Variants in STYXL1 observed in about 807,000 individuals in gnomAD.
The protein encoded by STYXL1 is serine/threonine/tyrosine interacting like 1, also known as serine/threonine/tyrosine-interacting-like protein 1.
In STYXL1, 32 loss-of-function variants were observed where a neutral mutation model predicts 36.4. The observed-to-expected ratio is 0.88, with a 90% CI of 0.66 to 1.18. The LOEUF (loss-of-function observed/expected upper bound fraction) is 1.18. STYXL1 is among the 50% of genes most tolerant of loss of function. The probability of loss-of-function intolerance (pLI) is 0.00; values close to 1 mark genes in which losing one functional copy is unlikely to be tolerated. For synonymous variants in STYXL1, 133 were observed against 144.1 expected (o/e 0.92, Z 0.55); for missense variants, 354 against 394.1 (o/e 0.90, Z 0.86).
intron 4 of STYXL1, among the ~76,000 whole-genome samples, chr7:76,015,634 T>G (rs894712498): frequency 1.8e-4 from 28 of 152,162 alleles, no homozygotes; most frequent in Admixed American, 2.0e-4. Flanking sequence ...AAAGATCCAA[T>G]ATCCAAAATC....
At chr7:76,031,640 G>C (rs961094395) in intron 1 of STYXL1, among the ~76,000 whole-genome samples, 1 of 151,234 alleles carries the variant, frequency 6.6e-6, no homozygotes, top group Non-Finnish European at 1.5e-5. Context: ...ACTTGAACCC[G>C]GGAGGCGGAG....
chr7:76,016,971 CAT>C (rs1419673140), intron 4 of STYXL1, among the ~76,000 whole-genome samples: 2 of 152,144 alleles, frequency 1.3e-5, no homozygotes, highest in Non-Finnish European at 2.9e-5. Flanking sequence ...ACAGCAAAGA[CAT>C]AGAATCAACT....
At chr7:76,034,429 C>A (rs1054507337) in intron 1 of STYXL1, among the ~76,000 whole-genome samples, 24 of 152,208 alleles carry the variant, frequency 1.6e-4, no homozygotes, top group African/African-American at 5.8e-4. Flanking sequence ...AACGCCTCAG[C>A]CTCTTAGGAG....
intron 7 of STYXL1, among the ~76,000 whole-genome samples, chr7:76,002,513 C>A (rs1791077466): frequency 6.6e-6 from 1 of 152,196 alleles, no homozygotes; most frequent in South Asian, 2.1e-4. Context: ...CCCAGGGAGG[C>A]AGGCTAGATG....
intron 4 of STYXL1, among the ~76,000 whole-genome samples, chr7:76,021,491 C>T (rs1252468030): frequency 1.3e-5 from 2 of 152,168 alleles, no homozygotes; most frequent in African/African-American, 4.8e-5. Context: ...AAACCACTGA[C>T]ATCAGCTGGT....
chr7:76,047,177 C>T (rs543312008), intron 1 of STYXL1, among the ~76,000 whole-genome samples: 2 of 152,156 alleles, frequency 1.3e-5, no homozygotes, highest in African/African-American at 4.8e-5. Flanking sequence ...AGGAGAACCA[C>T]TTGAACCTGA....
At chr7:76,003,007 T>G (rs564386407) in intron 7 of STYXL1, among the ~76,000 whole-genome samples, 1 of 152,256 alleles carries the variant, frequency 6.6e-6, no homozygotes, top group South Asian at 2.1e-4. Context: ...CCAGGAGCTG[T>G]TGGTGCCAGA....
intron 5 of STYXL1, among the ~76,000 whole-genome samples, chr7:76,008,899 G>A (rs577146100): frequency 3.3e-5 from 5 of 152,168 alleles, no homozygotes; most frequent in African/African-American, 1.2e-4. Context: ...CTACTCTGGA[G>A]GCTGAGGCAG....
intron 5 of STYXL1, 138 bp downstream of exon 5, chr7:76,013,604 T>C (rs1792878284): frequency 2.3e-5 from 29 of 1,288,266 alleles, no homozygotes; most frequent in Non-Finnish European, 2.9e-5. Flanking sequence ...TTTGTGTTTT[T>C]AGTATAGACA....
At chr7:76,024,787 A>G (rs1794479011) in intron 3 of STYXL1, among the ~76,000 whole-genome samples, 1 of 151,676 alleles carries the variant, frequency 6.6e-6, no homozygotes, top group Admixed American at 6.6e-5. Context: ...CATCTCTACT[A>G]AAAATGCAAA....
At chr7:76,011,506 T>C (rs1322514070) in intron 5 of STYXL1, among the ~76,000 whole-genome samples, 1 of 152,204 alleles carries the variant, frequency 6.6e-6, no homozygotes, top group Non-Finnish European at 1.5e-5. Flanking sequence ...ATGATTTCGA[T>C]TGAAGTTTTT....
chr7:76,015,511 T>C (rs1265509425), intron 4 of STYXL1, among the ~76,000 whole-genome samples: 1 of 152,024 alleles, frequency 6.6e-6, no homozygotes, highest in Non-Finnish European at 1.5e-5. Flanking sequence ...AAAACAAAAA[T>C]TGACAAGTGG....
At chr7:76,033,554 C>T (rs782346411) in intron 1 of STYXL1, among the ~76,000 whole-genome samples, 30 of 152,110 alleles carry the variant, frequency 2.0e-4, no homozygotes, top group African/African-American at 5.6e-4. Flanking sequence ...TTGCTCTAAA[C>T]GGTTAGGCTC....
At chr7:76,027,906 G>A (rs1026567991) in intron 3 of STYXL1, among the ~76,000 whole-genome samples, 1 of 151,486 alleles carries the variant, frequency 6.6e-6, no homozygotes, top group South Asian at 2.1e-4. Context: ...GAGTTCAAGA[G>A]CAGCCTGGGC....
At chr7:75,998,605 GA>G (rs1226006649) in intron 8 of STYXL1, 1 of 152,056 alleles carries the variant, frequency 6.6e-6, no homozygotes, top group East Asian at 1.9e-4. Flanking sequence ...GCCTGTCAAG[GA>G]ATTTTTGATA....
At chr7:76,029,398 C>A (rs1444496540) in intron 2 of STYXL1, among the ~76,000 whole-genome samples, 2 of 152,076 alleles carry the variant, frequency 1.3e-5, no homozygotes, top group African/African-American at 4.8e-5. Context: ...CCGCCCACCT[C>A]GGCCTCCCAA....
Position 76,047,898 on chromosome 7 carries a change from C to T in STYXL1, c.-241G>A, listed in dbSNP as rs11553096. The T allele has an allele frequency of 0.092, 130,141 of 1,410,414 alleles. 6,613 individuals carry two copies. Among genetic ancestry groups the T allele is most frequent in the South Asian group, 0.14 (9,354 of 67,828 alleles). 87.4% of individuals were successfully genotyped at this position (1,410,414 alleles called of 1,614,324 possible). A position where few individuals can be genotyped will look rare whatever the true frequency, so the allele number is the denominator to read the frequency against. On this transcript the variant is annotated 5_prime_UTR_variant, in exon 1 of 9. Transcript: ENST00000359697. ...GTGCAGACTGGCCCTCCCACTCCGA[C>T]CGCAGGTCCCCCACCGGCCACACAG...
rs782700697 is a variant in STYXL1 at position 76,013,728 on chromosome 7, G to T, written c.453+14C>A. 3.7e-6 allele frequency: 6 copies of T among 1,613,820 alleles called. No individual in the cohort carries two copies. In the South Asian group the frequency reaches 5.5e-5, roughly 15 times the overall value. Reference sequence around the variant, plus strand: ...TCCCGTCTGGGCCTGCCTGTGCTCAGCATTTGGCCCTACCTGAGGCATCCA... The same window carrying T: ...TCCCGTCTGGGCCTGCCTGTGCTCATCATTTGGCCCTACCTGAGGCATCCA... On this transcript the variant is annotated intron_variant, in intron 5 of 8. Coordinates refer to ENST00000359697, the MANE Select transcript of STYXL1 (RefSeq NM_001317785.2).
intron 3 of STYXL1, among the ~76,000 whole-genome samples, chr7:76,028,092 T>C (rs1451887203): frequency 1.3e-5 from 2 of 152,140 alleles, no homozygotes; most frequent in Non-Finnish European, 2.9e-5. Context: ...TAGAGTACAG[T>C]GGCGTGATCT....
Sources: gnomAD v4.1 joint callset for allele counts (sites outside exome capture counted in the v4.1 genomes callset) on GRCh38, gnomAD v4.1.1 for gene constraint, MANE v1.5 for transcripts, NCBI Gene and HGNC (gene_info 2026-07-23, HGNC 2026-07-21) for gene names.